Variants in BCL2 observed in about 807,000 individuals in gnomAD.
BCL2 encodes apoptosis regulator Bcl-2.
Under a neutral mutation model 14.2 loss-of-function variants are expected in BCL2, and 1 was observed. The ratio of observed to expected loss-of-function variants is 0.07; its 90% CI spans 0.02 to 0.33. BCL2 has a LOEUF of 0.33. BCL2 is among the 10% of genes least tolerant of loss of function. The pLI is 0.99. For synonymous variants in BCL2, 151 were observed against 137.2 expected (o/e 1.10, Z -0.70); for missense variants, 247 against 305.9 (o/e 0.81, Z 1.44).
intron 2 of BCL2, among the ~76,000 whole-genome samples, chr18:63,216,283 G>C (rs567397667): frequency 5.9e-5 from 9 of 151,564 alleles, no homozygotes; most frequent in African/African-American, 2.2e-4. Flanking sequence ...CTGACCCCCA[G>C]CAAAAGAAAT....
At chr18:63,182,547 G>A (rs886634477) in intron 2 of BCL2, among the ~76,000 whole-genome samples, 5 of 152,184 alleles carry the variant, frequency 3.3e-5, no homozygotes, top group African/African-American at 9.7e-5. Flanking sequence ...TTGAGACCGG[G>A]GGATGTCCAC....
intron 2 of BCL2, among the ~76,000 whole-genome samples, chr18:63,237,332 G>T (rs1188099768): frequency 1.3e-5 from 2 of 152,160 alleles, no homozygotes; most frequent in Non-Finnish European, 2.9e-5. Flanking sequence ...AAATAAGAAA[G>T]AATTTCCTGG....
At chr18:63,202,336 C>T (rs2144665342) in intron 2 of BCL2, among the ~76,000 whole-genome samples, 1 of 152,204 alleles carries the variant, frequency 6.6e-6, no homozygotes, top group Middle Eastern at 3.4e-3. Context: ...CCTACATTCA[C>T]ATAACATTTG....
chr18:63,196,522 G>A (rs565175015), intron 2 of BCL2, among the ~76,000 whole-genome samples: 1 of 152,162 alleles, frequency 6.6e-6, no homozygotes, highest in African/African-American at 2.4e-5. Context: ...TGAAGGAGGA[G>A]CTATAATGCA....
At chr18:63,239,930 G>A (rs977147331) in intron 2 of BCL2, among the ~76,000 whole-genome samples, 1 of 152,142 alleles carries the variant, frequency 6.6e-6, no homozygotes, top group African/African-American at 2.4e-5. Context: ...AGAAGAGAGA[G>A]ATGTAATTGT....
chr18:63,249,486 C>A (rs1911243666), intron 2 of BCL2, among the ~76,000 whole-genome samples: 1 of 152,086 alleles, frequency 6.6e-6, no homozygotes, highest in Admixed American at 6.5e-5. Context: ...GTGGGTGGAT[C>A]ACTTGAGGTC....
At chr18:63,183,648 A>T (rs1254463142) in intron 2 of BCL2, among the ~76,000 whole-genome samples, 2 of 152,230 alleles carry the variant, frequency 1.3e-5, no homozygotes, top group African/African-American at 4.8e-5. Flanking sequence ...AGGGCTGGCA[A>T]TGGCATCATT....
At position 63,124,306 on chromosome 18, in the gene BCL2, C is replaced by T. The variant is rs1913853064; in HGVS notation, c.*4319G>A. On this transcript the variant is annotated 3_prime_UTR_variant, in exon 3 of 3. Coordinates refer to ENST00000333681, the MANE Select transcript of BCL2 (RefSeq NM_000633.3). ...AACCAGAAGGTTGTCATTAAATATC[C>T]TGTTAGTTAAAACTGCACATTTATT... 2.6e-5 allele frequency: 6 copies of T among 228,260 alleles called. No individual in the cohort carries two copies. In the Admixed American group the frequency reaches 3.4e-4, roughly 13 times the overall value. The allele number at this position is 228,260 out of a possible 1,614,324, so 14.1% of individuals were successfully genotyped here.
At chr18:63,198,457 GAC>G (rs1397166733) in intron 2 of BCL2, among the ~76,000 whole-genome samples, 6 of 115,220 alleles carry the variant, frequency 5.2e-5, no homozygotes, top group Non-Finnish European at 9.3e-5. Context: ...CAGACACAGA[GAC>G]ACACACAGAC....
At position 63,297,302 on chromosome 18, in the gene BCL2, ATACATCC is replaced by A. The variant is rs1599297497; in HGVS notation, c.585+20773_585+20779del. Reference sequence around the variant, plus strand: ...ACGTTTAGTATATTTTATTAAACTAATACATCCAAAATACTATCACTTCAACACAAAA... The same window carrying A: ...ACGTTTAGTATATTTTATTAAACTAAAAAATACTATCACTTCAACACAAAA... On this transcript the variant is annotated intron_variant, in intron 2 of 2. Transcript: ENST00000333681. 2.6e-5 allele frequency among the ~76,000 whole-genome samples: 4 copies of A among 152,364 alleles called. No homozygotes were observed. In the East Asian group the frequency reaches 7.7e-4, roughly 29 times the overall value.
At chr18:63,178,285 A>G (rs1220273666) in intron 2 of BCL2, among the ~76,000 whole-genome samples, 2 of 152,196 alleles carry the variant, frequency 1.3e-5, no homozygotes, top group Admixed American at 6.5e-5. Context: ...CGAGATGCCA[A>G]GAGACTAAAA....
intron 2 of BCL2, among the ~76,000 whole-genome samples, chr18:63,256,960 A>T (rs776563362): frequency 6.6e-6 from 1 of 152,238 alleles, no homozygotes; most frequent in Non-Finnish European, 1.5e-5. Flanking sequence ...AAAATGAGGG[A>T]AAGTAATGAG....
chr18:63,278,492 T>C (rs552572464), intron 2 of BCL2, among the ~76,000 whole-genome samples: 15 of 152,376 alleles, frequency 9.8e-5, no homozygotes, highest in African/African-American at 3.6e-4. Context: ...TCCTCACCCC[T>C]AACTCTTGAT....
At chr18:63,197,907 T>C (rs767531388) in intron 2 of BCL2, among the ~76,000 whole-genome samples, 1 of 152,148 alleles carries the variant, frequency 6.6e-6, no homozygotes, top group African/African-American at 2.4e-5. Flanking sequence ...GAGACTCCAG[T>C]TAAACTGATC....
At chr18:63,269,397 C>A (rs1263993638) in intron 2 of BCL2, among the ~76,000 whole-genome samples, 1 of 151,992 alleles carries the variant, frequency 6.6e-6, no homozygotes, top group Non-Finnish European at 1.5e-5. Flanking sequence ...GAAATATGGA[C>A]AAGGAAACCT....
chr18:63,156,023 T>A (rs1914771792), intron 2 of BCL2, among the ~76,000 whole-genome samples: 1 of 129,274 alleles, frequency 7.7e-6, no homozygotes, highest in Admixed American at 9.8e-5. Flanking sequence ...ATTTCTCAAG[T>A]AAGACCAGAG....
At chr18:63,266,633 T>A (rs1309137727) in intron 2 of BCL2, among the ~76,000 whole-genome samples, 6 of 145,486 alleles carry the variant, frequency 4.1e-5, no homozygotes, top group African/African-American at 1.0e-4. Flanking sequence ...TCTCTCTCTC[T>A]CTCTCACACA....
rs146212769 is a variant in BCL2 at position 63,281,422 on chromosome 18, T to A, written c.585+36660A>T. ...GCTCACACCTGTAATCCCAGCACTT[T>A]GGGAGGCTGAGACAGGTGGATCAAT... On this transcript the variant is annotated intron_variant, in intron 2 of 2. Transcript: ENST00000333681. Among the ~76,000 whole-genome samples the A allele has an allele frequency of 4.1e-3, 623 of 152,162 alleles. 2 individuals are homozygous for A. The highest frequency in any genetic ancestry group is 0.014 in the African/African-American group (599 of 41,490).
At chr18:63,202,743 C>A (rs1246427649) in intron 2 of BCL2, among the ~76,000 whole-genome samples, 2 of 152,200 alleles carry the variant, frequency 1.3e-5, no homozygotes, top group Non-Finnish European at 2.9e-5. Flanking sequence ...AAATGGGGAT[C>A]AGTACCATAT....
Sources: allele counts gnomAD v4.1 joint callset (sites outside exome capture counted in the v4.1 genomes callset), GRCh38; gene constraint gnomAD v4.1.1; transcripts MANE v1.5; gene names NCBI Gene and HGNC (gene_info 2026-07-23, HGNC 2026-07-21).